The following MNAT1 variants were observed in gnomAD, a reference collection of about 807,000 sequenced individuals.
MNAT1 encodes the protein CDK-activating kinase assembly factor MAT1.
MNAT1 carries 43 observed loss-of-function variants against 42.0 expected under a neutral mutation model. That is an observed-to-expected ratio of 1.02 (90% CI 0.80 to 1.32). The LOEUF is 1.32. Ranked by LOEUF, MNAT1 falls within the 40% of genes most tolerant of loss-of-function variation. The pLI, the probability that MNAT1 is intolerant of heterozygous loss-of-function variation, is 0.00. For missense variants in MNAT1, 306 were observed against 350.4 expected, an observed-to-expected ratio of 0.87 and a Z score of 1.01; for synonymous variants, 118 against 120.0, an observed-to-expected ratio of 0.98 and a Z score of 0.11.
intron 7 of MNAT1, among the ~76,000 whole-genome samples, chr14:60,930,287 G>A (rs2035860034): frequency 6.7e-6 from 1 of 148,692 alleles, no homozygotes; most frequent in African/African-American, 2.5e-5. Context: ...TTCTAAGTCT[G>A]GGAACATCTC....
chr14:60,763,372 T>C (rs1035681820), intron 1 of MNAT1, among the ~76,000 whole-genome samples: 1 of 152,178 alleles, frequency 6.6e-6, no homozygotes, highest in Admixed American at 6.5e-5. Context: ...TAGGTACATA[T>C]AATAATTCCT....
At chr14:60,870,377 C>G (rs1253171127) in intron 6 of MNAT1, among the ~76,000 whole-genome samples, 1 of 152,102 alleles carries the variant, frequency 6.6e-6, no homozygotes, top group Non-Finnish European at 1.5e-5. Flanking sequence ...TTCTGTGGTT[C>G]TTCTCACTAC....
chr14:60,833,615 T>C (rs1283360335), intron 6 of MNAT1, among the ~76,000 whole-genome samples: 2 of 152,232 alleles, frequency 1.3e-5, no homozygotes, highest in Non-Finnish European at 1.5e-5. Flanking sequence ...TCAATGTTCA[T>C]TGGGGATATT....
chr14:60,750,219 TTTTC>T (rs1406948868), intron 1 of MNAT1, among the ~76,000 whole-genome samples: 1 of 151,938 alleles, frequency 6.6e-6, no homozygotes, highest in African/African-American at 2.4e-5. Context: ...ATAAATTCGT[TTTTC>T]TTTCTTTCTT....
At chr14:60,927,387 G>A (rs903701376) in intron 7 of MNAT1, among the ~76,000 whole-genome samples, 1 of 152,128 alleles carries the variant, frequency 6.6e-6, no homozygotes, top group African/African-American at 2.4e-5. Flanking sequence ...TACCACAAAG[G>A]TAACGCATTT....
intron 7 of MNAT1, among the ~76,000 whole-genome samples, chr14:60,957,893 A>G (rs1431326089): frequency 6.6e-6 from 1 of 151,960 alleles, no homozygotes. Flanking sequence ...GGTAGAGTGC[A>G]GTGGCACGAT....
chr14:60,752,755 A>G lies in MNAT1; in HGVS notation c.89+17804A>G, dbSNP rs373521269. 1.3e-4 allele frequency among the ~76,000 whole-genome samples: 20 copies of G among 152,164 alleles called. No homozygotes were observed. In the East Asian group the frequency reaches 2.9e-3, roughly 22 times the overall value. ...GTAAGAAATTTCATATTACTCTACC[A>G]TTGTACTACTTATTATTATTATTTT... On this transcript the variant is annotated intron_variant, in intron 1 of 7. Coordinates refer to ENST00000261245, the MANE Select transcript of MNAT1 (RefSeq NM_002431.4).
intron 6 of MNAT1, among the ~76,000 whole-genome samples, chr14:60,877,266 T>A (rs1369057066): frequency 6.6e-6 from 1 of 152,072 alleles, no homozygotes; most frequent in African/African-American, 2.4e-5. Context: ...TCTGTTCAAA[T>A]CCTTCGCCTG....
At chr14:60,889,339 A>G (rs2034773182) in intron 7 of MNAT1, among the ~76,000 whole-genome samples, 1 of 152,180 alleles carries the variant, frequency 6.6e-6, no homozygotes, top group African/African-American at 2.4e-5. Context: ...TGAGAAAAAC[A>G]AGCAATGGGG....
At chr14:60,798,241 A>C in intron 3 of MNAT1, 81 bp downstream of exon 3, 3 of 719,712 alleles carry the variant, frequency 4.2e-6, no homozygotes, top group Non-Finnish European at 7.1e-6. Context: ...CATCTCACAT[A>C]AAAACCTCTT....
At chr14:60,796,467 C>A in intron 2 of MNAT1, 98 bp downstream of exon 2, 1 of 1,088,318 alleles carries the variant, frequency 9.2e-7, no homozygotes, top group Non-Finnish European at 1.3e-6. Context: ...GACAGATTAG[C>A]AAGTAAATAA....
intron 7 of MNAT1, among the ~76,000 whole-genome samples, chr14:60,958,587 T>TTCTTTC (rs1191260730): frequency 3.5e-5 from 4 of 115,646 alleles, no homozygotes; most frequent in Non-Finnish European, 7.4e-5. Context: ...CTGACAGTAT[T>TTCTTTC]TCTTTCTCTT....
chr14:60,962,637 T>G (rs929187849), intron 7 of MNAT1, among the ~76,000 whole-genome samples: 1 of 152,212 alleles, frequency 6.6e-6, no homozygotes, highest in Non-Finnish European at 1.5e-5. Context: ...TACACAGTTA[T>G]AGTATAACTG....
chr14:60,957,943 T>G (rs1434970585), intron 7 of MNAT1, among the ~76,000 whole-genome samples: 1 of 152,118 alleles, frequency 6.6e-6, no homozygotes, highest in African/African-American at 2.4e-5. Flanking sequence ...GTTCAAGTGA[T>G]TCTCCTGCCC....
chr14:60,915,038 T>A (rs1369041326), intron 7 of MNAT1, among the ~76,000 whole-genome samples: 1 of 152,208 alleles, frequency 6.6e-6, no homozygotes, highest in Non-Finnish European at 1.5e-5. Flanking sequence ...TCTATGTAGG[T>A]TTGTTTTTTA....
rs1003533036 is a variant in MNAT1, at chr14:60,889,230, T to C, written c.809+9395T>C. ...CAAGGCTACAGTAACCAAAACGGCA[T>C]GGCACTGGTACCAAAACAGAGATAT... On this transcript the variant is annotated intron_variant, in intron 7 of 7. Coordinates refer to ENST00000261245, the MANE Select transcript of MNAT1 (RefSeq NM_002431.4). 1.4e-3 allele frequency among the ~76,000 whole-genome samples: 215 copies of C among 152,192 alleles called. 2 individuals carry two copies. The highest frequency in any genetic ancestry group is 3.1e-4 in the Non-Finnish European group (21 of 68,044).
chr14:60,775,064 A>G (rs2140309874), intron 1 of MNAT1, among the ~76,000 whole-genome samples: 1 of 152,256 alleles, frequency 6.6e-6, no homozygotes, highest in Non-Finnish European at 1.5e-5. Context: ...GGGGGAGAAG[A>G]ATGCCCACGA....
At chr14:60,929,929 AC>A (rs2035851800) in intron 7 of MNAT1, among the ~76,000 whole-genome samples, 1 of 152,102 alleles carries the variant, frequency 6.6e-6, no homozygotes. Context: ...TCAACCTAAA[AC>A]AAACAAACAC....
At chr14:60,841,118 A>G (rs1057456416) in intron 6 of MNAT1, among the ~76,000 whole-genome samples, 1 of 150,598 alleles carries the variant, frequency 6.6e-6, no homozygotes, top group African/African-American at 2.4e-5. Context: ...TTTCTTACTG[A>G]TTCTCTCTCT....
Sources: gnomAD v4.1 joint callset for allele counts (sites outside exome capture counted in the v4.1 genomes callset) on GRCh38, gnomAD v4.1.1 for gene constraint, MANE v1.5 for transcripts, NCBI Gene and HGNC (gene_info 2026-07-23, HGNC 2026-07-21) for gene names.